Variants in CDH13 observed in about 807,000 individuals in gnomAD.
The protein encoded by CDH13 is cadherin-13.
A neutral mutation model predicts 63.8 loss-of-function variants in CDH13; 24 were observed. The observed-to-expected ratio is 0.38, with a 90% CI of 0.27 to 0.53. The LOEUF is 0.53. Ranked by LOEUF, CDH13 falls within the 20% of genes least tolerant of loss-of-function variation. CDH13 has a pLI of 0.85. For synonymous variants in CDH13, 503 were observed against 355.3 expected, an observed-to-expected ratio of 1.42 and a Z score of -4.67; for missense variants, 1,049 against 903.1, an observed-to-expected ratio of 1.16 and a Z score of -2.07.
chr16:82,985,853 G>A lies in CDH13; in HGVS notation c.158-46157G>A, dbSNP rs144380614. On this transcript the variant is annotated intron_variant, in intron 2 of 13. Transcript: ENST00000567109. ...GAGTGAGTTCTTATGAGATCTGGTC[G>A]TTTAAAAGCACATAGCACCTCCCTC... Among the ~76,000 whole-genome samples the A allele has an allele frequency of 9.7e-4, 148 of 152,116 alleles. 5 individuals carry two copies. The East Asian group carries it at 0.022, about 22-fold the overall frequency.
chr16:83,110,268 CAA>C (rs2034994823), intron 3 of CDH13, among the ~76,000 whole-genome samples: 1 of 152,146 alleles, frequency 6.6e-6, no homozygotes, highest in Non-Finnish European at 1.5e-5. Flanking sequence ...TTAAAATACT[CAA>C]GAGTCACTTA....
intron 5 of CDH13, among the ~76,000 whole-genome samples, chr16:83,328,198 A>G (rs985441859): frequency 1.3e-5 from 2 of 152,052 alleles, no homozygotes; most frequent in African/African-American, 4.8e-5. Flanking sequence ...ATGTTGAGCT[A>G]GGGTTGTAAG....
At chr16:82,796,226 A>G (rs142031380) in intron 1 of CDH13, among the ~76,000 whole-genome samples, 1 of 152,148 alleles carries the variant, frequency 6.6e-6, no homozygotes, top group East Asian at 1.9e-4. Flanking sequence ...CTAGCCAGAA[A>G]CTGGTTCTTT....
chr16:83,602,240 G>C (rs948914564), intron 7 of CDH13, among the ~76,000 whole-genome samples: 20 of 150,814 alleles, frequency 1.3e-4, no homozygotes, highest in Non-Finnish European at 2.8e-4. Context: ...TTGTCCCCAT[G>C]GCAAACTCCA....
chr16:83,548,184 G>A (rs565427022), intron 7 of CDH13, among the ~76,000 whole-genome samples: 7 of 152,208 alleles, frequency 4.6e-5, no homozygotes, highest in African/African-American at 1.7e-4. Flanking sequence ...GGTGGGGAGA[G>A]GTAGACAGAT....
At chr16:82,903,267 T>C (rs2041528347) in intron 2 of CDH13, among the ~76,000 whole-genome samples, 1 of 152,204 alleles carries the variant, frequency 6.6e-6, no homozygotes, top group Non-Finnish European at 1.5e-5. Context: ...TTGGTTAGGT[T>C]GAGTTTGCAT....
intron 1 of CDH13, among the ~76,000 whole-genome samples, chr16:82,839,004 G>T (rs2038891626): frequency 6.6e-6 from 1 of 152,206 alleles, no homozygotes; most frequent in Non-Finnish European, 1.5e-5. Flanking sequence ...CATGAAAGCA[G>T]ACATACACAA....
intron 5 of CDH13, among the ~76,000 whole-genome samples, chr16:83,301,343 C>T (rs927650144): frequency 1.1e-4 from 16 of 152,060 alleles, no homozygotes; most frequent in African/African-American, 3.9e-4. Flanking sequence ...GGTTTTATTT[C>T]AGAACCGTTT....
intron 6 of CDH13, among the ~76,000 whole-genome samples, chr16:83,406,865 G>A (rs1452273473): frequency 6.6e-6 from 1 of 152,172 alleles, no homozygotes. Flanking sequence ...TACCTCAATA[G>A]AGTATTGTAC....
At chr16:83,262,510 G>T (rs1907113133) in intron 5 of CDH13, among the ~76,000 whole-genome samples, 1 of 152,184 alleles carries the variant, frequency 6.6e-6, no homozygotes, top group African/African-American at 2.4e-5. Context: ...ATTATACCGT[G>T]AGCCATTGGG....
chr16:83,171,375 C>T, intron 4 of CDH13: 1 of 681,738 alleles, frequency 1.5e-6, no homozygotes, highest in Non-Finnish European at 2.6e-6. Flanking sequence ...CAGTCACCTG[C>T]CACCAGGCCC....
At chr16:83,050,882 C>T (rs2030247769) in intron 3 of CDH13, among the ~76,000 whole-genome samples, 2 of 152,134 alleles carry the variant, frequency 1.3e-5, no homozygotes, top group African/African-American at 4.8e-5. Context: ...CACCTGAACC[C>T]ACCACCTTGT....
intron 1 of CDH13, among the ~76,000 whole-genome samples, chr16:82,857,652 A>G (rs1268786993): frequency 6.6e-6 from 1 of 152,248 alleles, no homozygotes; most frequent in Admixed American, 6.5e-5. Context: ...TAAGTTTTAT[A>G]GTAGCCAAGT....
At chr16:83,457,039 AG>A (rs1244732164) in intron 6 of CDH13, among the ~76,000 whole-genome samples, 1 of 152,158 alleles carries the variant, frequency 6.6e-6, no homozygotes, top group African/African-American at 2.4e-5. Context: ...GCAGGTTACT[AG>A]GGGTCTGATA....
At chr16:83,389,997 T>G (rs1046122744) in intron 6 of CDH13, among the ~76,000 whole-genome samples, 3 of 152,160 alleles carry the variant, frequency 2.0e-5, no homozygotes, top group Non-Finnish European at 4.4e-5. Flanking sequence ...AAAGTCAACT[T>G]GGTTGGAAGG....
chr16:83,541,677 T>TC (rs2075298121), intron 7 of CDH13, among the ~76,000 whole-genome samples: 1 of 152,162 alleles, frequency 6.6e-6, no homozygotes. Context: ...AATCCCTGAC[T>TC]CCCCCAAGAC....
chr16:83,288,675 C>G (rs533826962), intron 5 of CDH13, among the ~76,000 whole-genome samples: 6 of 152,194 alleles, frequency 3.9e-5, no homozygotes, highest in Non-Finnish European at 8.8e-5. Context: ...ATTGCTTAAC[C>G]TTTTCCCAAA....
chr16:83,182,801 A>G (rs1395006611), intron 4 of CDH13, among the ~76,000 whole-genome samples: 1 of 152,200 alleles, frequency 6.6e-6, no homozygotes, highest in Non-Finnish European at 1.5e-5. Context: ...TTATAAAGTA[A>G]AATGAGACTG....
At chr16:82,732,707 C>G (rs150961071) in intron 1 of CDH13, among the ~76,000 whole-genome samples, 1 of 152,160 alleles carries the variant, frequency 6.6e-6, no homozygotes, top group South Asian at 2.1e-4. Context: ...AGATATCTAA[C>G]CACTGATTTC....
Sources: allele counts gnomAD v4.1 joint callset (sites outside exome capture counted in the v4.1 genomes callset), GRCh38; gene constraint gnomAD v4.1.1; transcripts MANE v1.5; gene names NCBI Gene and HGNC (gene_info 2026-07-23, HGNC 2026-07-21).